The following SYT9 variants were observed in gnomAD, a reference collection of about 807,000 sequenced individuals.
SYT9 encodes synaptotagmin 9, also known as synaptotagmin-9.
Under a neutral mutation model 48.4 loss-of-function variants are expected in SYT9, and 22 were observed. That is an observed-to-expected ratio of 0.45 (90% CI 0.32 to 0.65). The LOEUF is 0.65. SYT9 is among the 30% of genes least tolerant of loss of function. The probability of loss-of-function intolerance (pLI) is 0.03; values close to 1 mark genes in which losing one functional copy is unlikely to be tolerated. For missense variants in SYT9, 577 were observed against 622.0 expected (o/e 0.93, Z 0.77); for synonymous variants, 265 against 245.0 (o/e 1.08, Z -0.76).
chr11:7,467,907 T>C lies in SYT9; in HGVS notation c.*1107T>C. 1 of 193,346 alleles carries C rather than the reference T, an allele frequency of 5.2e-6. No homozygotes were observed. Among genetic ancestry groups the C allele is most frequent in the Non-Finnish European group, 1.0e-5 (1 of 95,578 alleles). 12.0% of individuals were successfully genotyped at this position (193,346 alleles called of 1,614,324 possible). On this transcript the variant is annotated 3_prime_UTR_variant, in exon 7 of 7. Coordinates refer to ENST00000318881, the MANE Select transcript of SYT9 (RefSeq NM_175733.4). The stretch of plus-strand genomic sequence containing the variant: ...CTACAAGAGTGAAGGTCAAGGGCCC[T>C]CCCCAGGCATCTCATTCATTACTCA...
intron 6 of SYT9, among the ~76,000 whole-genome samples, chr11:7,461,649 A>C (rs767589677): frequency 1.3e-5 from 2 of 152,246 alleles, no homozygotes; most frequent in African/African-American, 4.8e-5. Context: ...CTGGGATTAC[A>C]GGCGTGAGCC....
chr11:7,449,072 G>T (rs1177062303), intron 6 of SYT9, among the ~76,000 whole-genome samples: 1 of 152,090 alleles, frequency 6.6e-6, no homozygotes, highest in East Asian at 1.9e-4. Flanking sequence ...GGTCAGGCAT[G>T]GTGGCTCACA....
At chr11:7,247,484 T>C (rs1013362000), upstream of SYT9, among the ~76,000 whole-genome samples, 17 of 149,384 alleles carry the variant, frequency 1.1e-4, no homozygotes, top group Middle Eastern at 3.5e-3. Context: ...CATATATATA[T>C]ACACACACAT....
chr11:7,458,233 C>T (rs889099582), intron 6 of SYT9, among the ~76,000 whole-genome samples: 3 of 152,186 alleles, frequency 2.0e-5, no homozygotes, highest in Non-Finnish European at 4.4e-5. Context: ...GTAATCCCAG[C>T]GCTTTGGGAG....
intron 3 of SYT9, among the ~76,000 whole-genome samples, chr11:7,336,289 T>C (rs1207231633): frequency 2.0e-5 from 3 of 152,148 alleles, no homozygotes; most frequent in Non-Finnish European, 4.4e-5. Context: ...GTTCTGTAGT[T>C]TGTTTGTTTA....
intron 2 of SYT9, among the ~76,000 whole-genome samples, chr11:7,306,949 A>T (rs1283759373): frequency 6.6e-6 from 1 of 152,182 alleles, no homozygotes; most frequent in African/African-American, 2.4e-5. Context: ...TCCATGAATG[A>T]CTGACAGAAT....
At chr11:7,369,287 C>A (rs1251392179) in intron 3 of SYT9, among the ~76,000 whole-genome samples, 1 of 150,860 alleles carries the variant, frequency 6.6e-6, no homozygotes, top group Non-Finnish European at 1.5e-5. Flanking sequence ...TGAGAAGTGT[C>A]TGTTCGTATT....
At chr11:7,306,193 T>G (rs1353222228) in intron 2 of SYT9, among the ~76,000 whole-genome samples, 1 of 152,092 alleles carries the variant, frequency 6.6e-6, no homozygotes, top group Non-Finnish European at 1.5e-5. Context: ...TTCCAGAGCT[T>G]TATAAAGTTC....
At chr11:7,251,078 C>T (rs1469978086), upstream of SYT9, among the ~76,000 whole-genome samples, 1 of 146,682 alleles carries the variant, frequency 6.8e-6, no homozygotes, top group Non-Finnish European at 1.5e-5. Flanking sequence ...GATTATGTAC[C>T]TAAAAGGCTT....
intron 1 of SYT9, among the ~76,000 whole-genome samples, chr11:7,268,136 C>T (rs1407243334): frequency 2.0e-5 from 3 of 151,996 alleles, no homozygotes; most frequent in East Asian, 1.9e-4. Flanking sequence ...TCTTATTTGT[C>T]GGAACCACAA....
chr11:7,247,572 C>CATATACATATATATGTGTAT (rs1847807092), upstream of SYT9, among the ~76,000 whole-genome samples: 2 of 142,534 alleles, frequency 1.4e-5, no homozygotes, highest in African/African-American at 5.2e-5. Context: ...CATATATACA[C>CATATACATATATATGTGTAT]ATATACATAT....
chr11:7,441,035 G>A (rs1220338918), intron 6 of SYT9: 1 of 152,228 alleles, frequency 6.6e-6, no homozygotes, highest in Non-Finnish European at 1.5e-5. Context: ...TGATGGCCAT[G>A]GCCTTGGGTG....
intron 3 of SYT9, among the ~76,000 whole-genome samples, chr11:7,357,964 A>G (rs1196944187): frequency 6.6e-6 from 1 of 152,166 alleles, no homozygotes; most frequent in East Asian, 1.9e-4. Flanking sequence ...ATTGAGCCAT[A>G]ATATGTGCCA....
intron 3 of SYT9, among the ~76,000 whole-genome samples, chr11:7,411,505 T>C (rs1847135962): frequency 6.6e-6 from 1 of 152,248 alleles, no homozygotes; most frequent in Non-Finnish European, 1.5e-5. Flanking sequence ...CTACATAGTA[T>C]ATACTTAAGT....
chr11:7,392,204 T>G (rs1341681885), intron 3 of SYT9, among the ~76,000 whole-genome samples: 1 of 152,158 alleles, frequency 6.6e-6, no homozygotes, highest in African/African-American at 2.4e-5. Flanking sequence ...ACAATGGTAT[T>G]TCCTAAGTTT....
intron 1 of SYT9, among the ~76,000 whole-genome samples, chr11:7,286,977 A>G (rs1848607322): frequency 6.6e-6 from 1 of 152,162 alleles, no homozygotes; most frequent in Non-Finnish European, 1.5e-5. Flanking sequence ...CCTGTTACCC[A>G]GTTCCAAAGT....
At chr11:7,295,698 G>T (rs1848790541) in intron 1 of SYT9, among the ~76,000 whole-genome samples, 2 of 152,054 alleles carry the variant, frequency 1.3e-5, no homozygotes, top group Admixed American at 1.3e-4. Context: ...TGTTTCAACA[G>T]CACCCCCATT....
intron 1 of SYT9, among the ~76,000 whole-genome samples, chr11:7,282,499 G>T (rs187999890): frequency 2.0e-5 from 3 of 152,318 alleles, no homozygotes; most frequent in Admixed American, 2.0e-4. Context: ...CACAGAGACA[G>T]TCAGGTAGAC....
At chr11:7,347,503 G>C (rs1849822551) in intron 3 of SYT9, among the ~76,000 whole-genome samples, 1 of 152,170 alleles carries the variant, frequency 6.6e-6, no homozygotes, top group Non-Finnish European at 1.5e-5. Context: ...CCAAAGTGCT[G>C]GGATTAGAGA....
Sources: gnomAD v4.1 joint callset for allele counts (sites outside exome capture counted in the v4.1 genomes callset) on GRCh38, gnomAD v4.1.1 for gene constraint, MANE v1.5 for transcripts, NCBI Gene and HGNC (gene_info 2026-07-23, HGNC 2026-07-21) for gene names.